INTS8: variants seen among roughly 807,000 people sequenced by gnomAD.
The protein encoded by INTS8 is protein kaonashi-1.
INTS8 carries 47 observed loss-of-function variants against 138.9 expected under a neutral mutation model. That is an observed-to-expected ratio of 0.34 (90% CI 0.27 to 0.43). INTS8 has a LOEUF of 0.43. Among genes scored for constraint, INTS8 ranks in the 20% least tolerant of loss-of-function variants. INTS8 has a pLI of 1.00. For missense variants in INTS8, 996 were observed against 1,173.0 expected, an observed-to-expected ratio of 0.85 and a Z score of 2.20; for synonymous variants, 392 against 400.9, an observed-to-expected ratio of 0.98 and a Z score of 0.27.
At position 94,838,476 on chromosome 8, in the gene INTS8, C is replaced by T. The variant is rs769579185; in HGVS notation, c.875C>T (p.Ser292Phe). 1 of 1,612,478 alleles carries T rather than the reference C, an allele frequency of 6.2e-7. No homozygotes were observed. Among genetic ancestry groups the T allele is most frequent in the Admixed American group, 1.7e-5 (1 of 59,968 alleles). The change falls in exon 8 of 27, where the codon TCT becomes TTT. Residue 292 changes from serine (S) to phenylalanine (F), a missense_variant. By Grantham distance (155) the Ser-to-Phe change is radical (BLOSUM62 -2). Coordinates refer to ENST00000523731, the MANE Select transcript of INTS8 (RefSeq NM_017864.4). ...KELIAEIGSL[S>F]LHCTIDEKRL... ...CTTACTTTACAGATAGGTTCATTATCTCTTCATTGTACCATAGATGAGAAG... is the reference window on the plus strand; with the variant it reads ...CTTACTTTACAGATAGGTTCATTATTTCTTCATTGTACCATAGATGAGAAG...
At chr8:94,879,697 T>C (rs551731713) in intron 26 of INTS8, 2 of 152,458 alleles carry the variant, frequency 1.3e-5, no homozygotes, top group South Asian at 4.1e-4. Flanking sequence ...CTAGTGTGTA[T>C]ATTTAGTTGG....
chr8:94,870,375 G>C (rs574242239), intron 20 of INTS8, among the ~76,000 whole-genome samples: 1 of 152,266 alleles, frequency 6.6e-6, no homozygotes, highest in Non-Finnish European at 1.5e-5. Flanking sequence ...TTCTAAGCTA[G>C]ATATTTAGAA....
chr8:94,826,075 T>G (rs75025610), intron 2 of INTS8, among the ~76,000 whole-genome samples: 25,798 of 152,150 alleles, frequency 0.17, 2,320 homozygotes, highest in Middle Eastern at 0.27. Flanking sequence ...GCCTTAAATA[T>G]CTTTGCCCAT....
intron 16 of INTS8, among the ~76,000 whole-genome samples, chr8:94,862,052 T>A (rs1346555022): frequency 1.3e-5 from 2 of 151,924 alleles, no homozygotes; most frequent in African/African-American, 4.8e-5. Flanking sequence ...CCCATTCTTG[T>A]GCCTCAGCCT....
chr8:94,825,151 C>A, intron 2 of INTS8, 84 bp downstream of exon 2: 1 of 1,013,390 alleles, frequency 9.9e-7, no homozygotes, highest in Non-Finnish European at 1.5e-6. Flanking sequence ...ATGATATCGG[C>A]TCTTAAAAAT....
chr8:94,857,070 T>A, intron 15 of INTS8, 92 bp downstream of exon 15: 37 of 767,518 alleles, frequency 4.8e-5, no homozygotes, highest in Non-Finnish European at 6.9e-5. Context: ...GAGTTTGTAA[T>A]CTTTTTTTTT....
intron 5 of INTS8, among the ~76,000 whole-genome samples, chr8:94,831,632 C>T (rs999907344): frequency 1.8e-4 from 27 of 152,012 alleles, no homozygotes; most frequent in African/African-American, 6.5e-4. Flanking sequence ...CAGGCGTCTG[C>T]CCCCATGCCC....
intron 7 of INTS8, 53 bp downstream of exon 7, chr8:94,836,684 C>A: frequency 1.8e-6 from 2 of 1,127,334 alleles, no homozygotes; most frequent in Non-Finnish European, 2.6e-6. Context: ...AACATCTATA[C>A]ATTTTTTTGG....
rs139494118 is a variant in INTS8, at chr8:94,873,169, G to A, written c.2534-205G>A. Among the ~76,000 whole-genome samples, 12 of 152,218 alleles carry A rather than the reference G, an allele frequency of 7.9e-5. 1 individual carries two copies. The highest frequency in any genetic ancestry group is 3.9e-4 in the East Asian group (2 of 5,188). On this transcript the variant is annotated intron_variant, in intron 21 of 26. Coordinates refer to ENST00000523731, the MANE Select transcript of INTS8 (RefSeq NM_017864.4). Reference sequence around the variant, plus strand: ...TTCACAAAATTATAATTTGTTTCTCGTTTGGACATTTGGGAAATAAAATCT... The same window carrying A: ...TTCACAAAATTATAATTTGTTTCTCATTTGGACATTTGGGAAATAAAATCT...
At chr8:94,859,003 C>T (rs1432066024) in intron 15 of INTS8, among the ~76,000 whole-genome samples, 1 of 152,122 alleles carries the variant, frequency 6.6e-6, no homozygotes, top group African/African-American at 2.4e-5. Context: ...TGCTGGCTCA[C>T]GCCTATAATC....
Position 94,825,014 on chromosome 8 carries a change from T to C in INTS8, c.252T>C (p.Leu84=). 6.2e-7 allele frequency: 1 copy of C among 1,612,568 alleles called. No individual in the cohort carries two copies. Among genetic ancestry groups the C allele is most frequent in the African/African-American group, 1.3e-5 (1 of 74,998 alleles). ...DNKRNRILKL[L]ALKVAAHLKW... ...AGAGAAATCGTATTTTAAAACTACT[T>C]GCTCTTAAAGTTGCTGCACATTTGA... Residue 84 remains leucine, a synonymous_variant, in exon 2 of 27, where the codon CTT becomes CTC. Coordinates refer to ENST00000523731, the MANE Select transcript of INTS8 (RefSeq NM_017864.4).
At chr8:94,863,622 A>G (rs1228980144) in intron 16 of INTS8, among the ~76,000 whole-genome samples, 1 of 152,224 alleles carries the variant, frequency 6.6e-6, no homozygotes, top group Non-Finnish European at 1.5e-5. Flanking sequence ...TGTGCTTTCC[A>G]TGATGCCCAC....
At chr8:94,834,385 G>A (rs1814845926) in intron 6 of INTS8, among the ~76,000 whole-genome samples, 1 of 151,782 alleles carries the variant, frequency 6.6e-6, no homozygotes, top group African/African-American at 2.4e-5. Context: ...GTGTGTGTGT[G>A]TGTGTGTGTG....
intron 6 of INTS8, among the ~76,000 whole-genome samples, chr8:94,834,765 T>C (rs748762693): frequency 6.6e-6 from 1 of 151,936 alleles, no homozygotes; most frequent in African/African-American, 2.4e-5. Flanking sequence ...AAAGCAATGT[T>C]GTAGAGGCTA....
chr8:94,862,974 T>C (rs564406809), intron 16 of INTS8, among the ~76,000 whole-genome samples: 91 of 152,298 alleles, frequency 6.0e-4, no homozygotes, highest in African/African-American at 2.1e-3. Context: ...TAGGAACATA[T>C]TTTCCTACTC....
chr8:94,840,274 G>A (rs1384421250), intron 8 of INTS8, among the ~76,000 whole-genome samples: 1 of 152,204 alleles, frequency 6.6e-6, no homozygotes, highest in Non-Finnish European at 1.5e-5. Flanking sequence ...CTCATGTTTT[G>A]TTATGGAGGT....
chr8:94,880,417 T>A lies in INTS8; in HGVS notation c.*183T>A, dbSNP rs1206010113. The A allele has an allele frequency of 2.6e-6, 1 of 385,350 alleles. No homozygotes were observed. Among genetic ancestry groups the A allele is most frequent in the Non-Finnish European group, 4.6e-6 (1 of 216,342 alleles). 23.9% of individuals were successfully genotyped at this position (385,350 alleles called of 1,614,324 possible). A position where few individuals can be genotyped will look rare whatever the true frequency, so the allele number is the denominator to read the frequency against. ...GAAGACTTCATACCGTAACAATAAA[T>A]GTATAGTTTCTTCAAAGGGAGAAGA... On this transcript the variant is annotated 3_prime_UTR_variant, in exon 27 of 27. Coordinates refer to ENST00000523731, the MANE Select transcript of INTS8 (RefSeq NM_017864.4).
rs1223706250 is a variant in INTS8, at chr8:94,839,731, A to G, written c.1017+1113A>G. ...AGGGTGAGATCAATTATCATAAAAT[A>G]CAGATTCTTTAACAAGTTGGCTGGG... On this transcript the variant is annotated intron_variant, in intron 8 of 26. Coordinates refer to ENST00000523731, the MANE Select transcript of INTS8 (RefSeq NM_017864.4). Among the ~76,000 whole-genome samples, 3 of 152,320 alleles carry G rather than the reference A, an allele frequency of 2.0e-5. No homozygotes were observed. In the East Asian group the frequency reaches 5.8e-4, roughly 29 times the overall value.
intron 15 of INTS8, among the ~76,000 whole-genome samples, chr8:94,857,891 T>C (rs1292482076): frequency 6.6e-6 from 1 of 152,244 alleles, no homozygotes; most frequent in Non-Finnish European, 1.5e-5. Flanking sequence ...CTAGAGAAAC[T>C]ATATTGCAAT....
Sources: allele counts gnomAD v4.1 joint callset (sites outside exome capture counted in the v4.1 genomes callset), GRCh38; gene constraint gnomAD v4.1.1; transcripts MANE v1.5; gene names NCBI Gene and HGNC (gene_info 2026-07-23, HGNC 2026-07-21).